RALGPS2: variants seen among roughly 807,000 people sequenced by gnomAD.
RALGPS2 encodes the protein Ral GEF with PH domain and SH3 binding motif 2.
RALGPS2 carries 43 observed loss-of-function variants against 86.8 expected under a neutral mutation model. That is an observed-to-expected ratio of 0.50 (90% confidence interval 0.39 to 0.64). The LOEUF is 0.64. Ranked by LOEUF, RALGPS2 falls within the 30% of genes least tolerant of loss-of-function variation. The pLI, the probability that RALGPS2 is intolerant of heterozygous loss-of-function variation, is 0.00. For synonymous variants in RALGPS2, 243 were observed against 231.3 expected (o/e 1.05, Z -0.46); for missense variants, 536 against 694.6 (o/e 0.77, Z 2.57).
chr1:178,728,308 TA>T (rs1261365971), intron 1 of RALGPS2, among the ~76,000 whole-genome samples: 1 of 152,004 alleles, frequency 6.6e-6, no homozygotes, highest in African/African-American at 2.4e-5. Flanking sequence ...AAATAACTTT[TA>T]AACCATAAAC....
At chr1:178,860,878 G>C (rs144932007) in intron 8 of RALGPS2, among the ~76,000 whole-genome samples, 483 of 152,236 alleles carry the variant, frequency 3.2e-3, no homozygotes, top group African/African-American at 0.01. Flanking sequence ...TTTTGTGCAA[G>C]CACCTAAACA....
chr1:178,797,329 C>T (rs771609757), intron 4 of RALGPS2, among the ~76,000 whole-genome samples: 28 of 151,312 alleles, frequency 1.9e-4, no homozygotes, highest in South Asian at 1.3e-3. Flanking sequence ...TTTTTAATCA[C>T]AGAGAAATTT....
Position 178,784,502 on chromosome 1 carries a change from G to A in RALGPS2, c.142G>A (p.Val48Ile). The change falls in exon 3 of 20, where the codon GTT (valine) becomes ATT (isoleucine). Residue 48 changes from valine (V) to isoleucine (I), a missense_variant. By Grantham distance (29) the Val-to-Ile change is conservative. Around this residue, in one of 3 missense-constraint regions of RALGPS2, gnomAD observed 184 missense variants for 296.7 expected, o/e 0.62. Coordinates refer to ENST00000367635, the MANE Select transcript of RALGPS2 (RefSeq NM_152663.5). Reference protein sequence around the residue: ...FDAVVFDVLKVTPEEYAGQIT... With the variant: ...FDAVVFDVLKITPEEYAGQIT... The stretch of plus-strand genomic sequence containing the variant: ...TGCTGTGGTATTCGATGTTCTTAAG[G>A]TTACACCAGAAGAATATGCGGTAAG... 1.9e-6 allele frequency: 3 copies of A among 1,597,732 alleles called. No individual in the cohort carries two copies. Among genetic ancestry groups the A allele is most frequent in the Non-Finnish European group, 2.6e-6 (3 of 1,169,400 alleles).
At chr1:178,864,391 C>G (rs1418117325) in intron 8 of RALGPS2, among the ~76,000 whole-genome samples, 1 of 151,978 alleles carries the variant, frequency 6.6e-6, no homozygotes, top group Non-Finnish European at 1.5e-5. Context: ...GAAGGCATGG[C>G]TTTTGTACAG....
chr1:178,871,523 C>CT (rs28372846), intron 8 of RALGPS2, among the ~76,000 whole-genome samples: 1 of 151,612 alleles, frequency 6.6e-6, no homozygotes, highest in African/African-American at 2.4e-5. Flanking sequence ...AAACATTTTA[C>CT]TAAGTTGCTA....
At chr1:178,762,065 T>C (rs1652271285) in intron 1 of RALGPS2, among the ~76,000 whole-genome samples, 1 of 152,136 alleles carries the variant, frequency 6.6e-6, no homozygotes. Flanking sequence ...TTGTGCCCAC[T>C]GTACTCAGTG....
intron 1 of RALGPS2, among the ~76,000 whole-genome samples, chr1:178,727,952 T>C (rs1182441071): frequency 6.6e-6 from 1 of 152,216 alleles, no homozygotes; most frequent in Non-Finnish European, 1.5e-5. Context: ...ATTGTTTTTT[T>C]CTTTCTGAGA....
intron 8 of RALGPS2, among the ~76,000 whole-genome samples, chr1:178,860,739 T>C (rs1572416955): frequency 1.3e-5 from 2 of 152,172 alleles, no homozygotes; most frequent in Admixed American, 6.5e-5. Context: ...ATATACATTG[T>C]TGTATATTTT....
chr1:178,745,822 CTTTTTTTTT>C (rs34277622), intron 1 of RALGPS2, among the ~76,000 whole-genome samples: 1 of 86,052 alleles, frequency 1.2e-5, no homozygotes, highest in Admixed American at 1.4e-4. Flanking sequence ...TTCAATTCTT[CTTTTTTTTT>C]TTTTTTTTTT....
intron 4 of RALGPS2, among the ~76,000 whole-genome samples, chr1:178,802,343 C>G (rs1488749778): frequency 1.3e-5 from 2 of 152,108 alleles, no homozygotes; most frequent in Non-Finnish European, 2.9e-5. Context: ...GTCTATGGTA[C>G]ATATCAAGCA....
intron 1 of RALGPS2, among the ~76,000 whole-genome samples, chr1:178,729,141 C>T (rs1650196600): frequency 6.6e-6 from 1 of 152,144 alleles, no homozygotes; most frequent in South Asian, 2.1e-4. Flanking sequence ...TGTTATTTCA[C>T]TTACATGACC....
At chr1:178,818,177 T>C (rs1314989511) in intron 6 of RALGPS2, among the ~76,000 whole-genome samples, 4 of 152,182 alleles carry the variant, frequency 2.6e-5, no homozygotes, top group Admixed American at 1.3e-4. Flanking sequence ...CTGGTCAACA[T>C]AGTGAAACCC....
intron 8 of RALGPS2, among the ~76,000 whole-genome samples, chr1:178,834,494 A>G (rs576669701): frequency 8.5e-5 from 13 of 152,350 alleles, no homozygotes; most frequent in African/African-American, 2.9e-4. Context: ...CATCAACCTT[A>G]GTTTCCCAGA....
intron 19 of RALGPS2, among the ~76,000 whole-genome samples, chr1:178,908,917 G>GT (rs1660496439): frequency 1.3e-5 from 2 of 152,002 alleles, no homozygotes. Flanking sequence ...ATTAGGTCCT[G>GT]TTTGTCAGTT....
intron 8 of RALGPS2, chr1:178,865,080 G>A: frequency 6.5e-7 from 1 of 1,539,778 alleles, no homozygotes; most frequent in Non-Finnish European, 8.8e-7. Flanking sequence ...CCTCCCAGCA[G>A]ACCAGGAGTA....
At chr1:178,811,535 T>G in intron 6 of RALGPS2, 131 bp downstream of exon 6, 1 of 637,540 alleles carries the variant, frequency 1.6e-6, no homozygotes, top group East Asian at 3.3e-5. Flanking sequence ...ATAAGTCAAT[T>G]TTTAAAATTG....
At chr1:178,749,061 C>G (rs1200023087) in intron 1 of RALGPS2, among the ~76,000 whole-genome samples, 1 of 152,170 alleles carries the variant, frequency 6.6e-6, no homozygotes, top group Non-Finnish European at 1.5e-5. Flanking sequence ...TAGTCTTGAA[C>G]TCCTGGGCTC....
intron 2 of RALGPS2, among the ~76,000 whole-genome samples, chr1:178,783,950 A>G (rs1014745562): frequency 1.3e-5 from 2 of 152,174 alleles, no homozygotes; most frequent in Non-Finnish European, 2.9e-5. Context: ...AACAGATCAC[A>G]TAACTAAGAA....
chr1:178,773,809 A>T (rs1173697748), intron 1 of RALGPS2, among the ~76,000 whole-genome samples: 1 of 152,078 alleles, frequency 6.6e-6, no homozygotes, highest in Admixed American at 6.5e-5. Context: ...AAAAAAAAAA[A>T]TACTATTGAC....
Sources: gnomAD v4.1 joint callset for allele counts (sites outside exome capture counted in the v4.1 genomes callset) on GRCh38, gnomAD v4.1.1 for gene constraint, gnomAD v4.1.1 regional missense constraint, MANE v1.5 for transcripts, NCBI Gene and HGNC (gene_info 2026-07-23, HGNC 2026-07-21) for gene names.